The following CPNE4 variants were observed in gnomAD, a reference collection of about 807,000 sequenced individuals.
CPNE4 encodes copine-4.
In CPNE4, 25 loss-of-function variants were observed where a neutral mutation model predicts 67.9. That is an observed-to-expected ratio of 0.37 (90% CI 0.27 to 0.51). CPNE4 has a LOEUF of 0.51. CPNE4 is among the 20% of genes least tolerant of loss of function. CPNE4 has a pLI of 0.93. For missense variants in CPNE4, 464 were observed against 690.8 expected (o/e 0.67, Z 3.68); for synonymous variants, 242 against 244.9 (o/e 0.99, Z 0.11).
intron 9 of CPNE4, among the ~76,000 whole-genome samples, chr3:131,577,360 A>C (rs921194676): frequency 3.9e-5 from 6 of 152,154 alleles, no homozygotes; most frequent in Non-Finnish European, 5.9e-5. Context: ...ATTCTGAGAA[A>C]TACACTGTTA....
At chr3:131,555,416 G>A (rs754309508) in intron 12 of CPNE4, 81 bp downstream of exon 12, 12 of 1,231,920 alleles carry the variant, frequency 9.7e-6, no homozygotes, top group Non-Finnish European at 1.4e-5. Flanking sequence ...AGAGTCAGGA[G>A]TGTGAGACTG....
At chr3:131,945,040 G>T (rs538825141) in intron 1 of CPNE4, among the ~76,000 whole-genome samples, 172 of 152,224 alleles carry the variant, frequency 1.1e-3, no homozygotes, top group Admixed American at 2.0e-3. Context: ...TAGGACATTG[G>T]GTTAAGCTGG....
intron 4 of CPNE4, 32 bp from the exon 5 acceptor site, chr3:131,696,648 G>A (rs749489890): frequency 5.0e-6 from 8 of 1,591,314 alleles, no homozygotes; most frequent in African/African-American, 1.3e-5. Flanking sequence ...AGCTGCAATA[G>A]AGGGTGAACT....
At chr3:131,893,051 A>T (rs1417099791) in intron 2 of CPNE4, among the ~76,000 whole-genome samples, 1 of 152,062 alleles carries the variant, frequency 6.6e-6, no homozygotes, top group Non-Finnish European at 1.5e-5. Context: ...AGGTTAAAAG[A>T]CAAAAAACAA....
At chr3:131,959,241 C>T (rs1237476) in intron 1 of CPNE4, among the ~76,000 whole-genome samples, 1,879 of 32,698 alleles carry the variant, frequency 0.057, 37 homozygotes, top group Middle Eastern at 0.13. Context: ...ACCTCGTGAT[C>T]CGCCCGCCTC....
intron 6 of CPNE4, among the ~76,000 whole-genome samples, chr3:131,675,142 T>G (rs375172608): frequency 6.6e-6 from 1 of 152,158 alleles, no homozygotes; most frequent in African/African-American, 2.4e-5. Context: ...TGTTATTGAT[T>G]TCTAGTTTTA....
chr3:131,825,261 G>C (rs973347044), intron 2 of CPNE4, among the ~76,000 whole-genome samples: 3 of 152,082 alleles, frequency 2.0e-5, no homozygotes, highest in African/African-American at 7.2e-5. Context: ...ACTTTGTGGG[G>C]CTGAGGTGGG....
chr3:131,717,012 C>G (rs1332244887), intron 3 of CPNE4, among the ~76,000 whole-genome samples: 1 of 152,216 alleles, frequency 6.6e-6, no homozygotes, highest in African/African-American at 2.4e-5. Context: ...GAAGGACCTT[C>G]TTTTTACTCT....
intron 2 of CPNE4, among the ~76,000 whole-genome samples, chr3:131,782,743 T>C (rs2083459703): frequency 6.6e-6 from 1 of 152,144 alleles, no homozygotes. Context: ...TCGTATTTTC[T>C]GCTCTTGTGA....
intron 1 of CPNE4, among the ~76,000 whole-genome samples, chr3:132,024,958 T>C (rs564432467): frequency 9.9e-5 from 15 of 152,268 alleles, no homozygotes; most frequent in Non-Finnish European, 1.9e-4. Context: ...AAGTGTGGTG[T>C]CCAAACTAGT....
intron 7 of CPNE4, among the ~76,000 whole-genome samples, chr3:131,594,009 C>T (rs189233024): frequency 1.3e-5 from 2 of 152,240 alleles, no homozygotes; most frequent in East Asian, 1.9e-4. Flanking sequence ...TGAGCCACCA[C>T]GCCTGCCCGG....
chr3:131,805,085 A>C (rs571177583), intron 2 of CPNE4, among the ~76,000 whole-genome samples: 1 of 152,320 alleles, frequency 6.6e-6, no homozygotes, highest in South Asian at 2.1e-4. Flanking sequence ...AGTCAAACCA[A>C]CAGAATTCTT....
chr3:131,815,649 G>A (rs73875029), intron 2 of CPNE4, among the ~76,000 whole-genome samples: 6,547 of 152,270 alleles, frequency 0.043, 474 homozygotes, highest in African/African-American at 0.15. Context: ...GAGACAAGGT[G>A]TTGGAACAAA....
At chr3:131,726,879 G>C (rs1381747636) in intron 2 of CPNE4, among the ~76,000 whole-genome samples, 3 of 152,150 alleles carry the variant, frequency 2.0e-5, no homozygotes, top group South Asian at 4.1e-4. Flanking sequence ...AGGAGATGTA[G>C]AGTCTATCTC....
At position 131,640,012 on chromosome 3, in the gene CPNE4, G is replaced by C. The variant is rs141531504; in HGVS notation, c.681+29663C>G. Among the ~76,000 whole-genome samples, 855 of 152,032 alleles carry C rather than the reference G, an allele frequency of 5.6e-3. 8 individuals carry two copies. The highest frequency in any genetic ancestry group is 0.019 in the African/African-American group (788 of 41,514). ...GCAGCATAGAAGGGACACATCTTAAGGTAATAAAAGCCATCTATGACAAAT... is the reference window on the plus strand; with the variant it reads ...GCAGCATAGAAGGGACACATCTTAACGTAATAAAAGCCATCTATGACAAAT... On this transcript the variant is annotated intron_variant, in intron 7 of 15. Transcript: ENST00000429747.
chr3:131,978,455 TA>T (rs1250152143), intron 1 of CPNE4, among the ~76,000 whole-genome samples: 2 of 19,214 alleles, frequency 1.0e-4, no homozygotes, highest in African/African-American at 2.1e-4. Context: ...TTTATATATA[TA>T]TTTATATATA....
chr3:131,767,839 A>G (rs16837804), intron 2 of CPNE4, among the ~76,000 whole-genome samples: 8,288 of 152,060 alleles, frequency 0.055, 368 homozygotes, highest in African/African-American at 0.13. Flanking sequence ...GTTTGCATCC[A>G]TAAAGCCAAG....
intron 2 of CPNE4, among the ~76,000 whole-genome samples, chr3:131,812,748 G>T (rs1441153994): frequency 6.6e-6 from 1 of 152,172 alleles, no homozygotes; most frequent in East Asian, 1.9e-4. Context: ...CAGACTTGTA[G>T]ACTGAAACTT....
At position 131,771,885 on chromosome 3, in the gene CPNE4, G is replaced by A. The variant is rs111601691; in HGVS notation, c.181-48260C>T. 4.8e-3 allele frequency among the ~76,000 whole-genome samples: 736 copies of A among 152,120 alleles called. 4 individuals are homozygous for A. Among genetic ancestry groups the A allele is most frequent in the African/African-American group, 0.017 (695 of 41,488 alleles). On this transcript the variant is annotated intron_variant, in intron 2 of 15. Coordinates refer to ENST00000429747, the MANE Select transcript of CPNE4 (RefSeq NM_130808.3). ...TGCTACACAGTTAGAGGTTGGAGCTGGGTTTTTAATTTTTTTTGTTTGTTT... is the reference window on the plus strand; with the variant it reads ...TGCTACACAGTTAGAGGTTGGAGCTAGGTTTTTAATTTTTTTTGTTTGTTT...
Sources: allele counts gnomAD v4.1 joint callset (sites outside exome capture counted in the v4.1 genomes callset), GRCh38; gene constraint gnomAD v4.1.1; transcripts MANE v1.5; gene names NCBI Gene and HGNC (gene_info 2026-07-23, HGNC 2026-07-21).